Variants in FNIP2 observed in about 807,000 individuals in gnomAD.
The protein encoded by FNIP2 is folliculin interacting protein 2.
FNIP2 carries 32 observed loss-of-function variants against 108.7 expected under a neutral mutation model. The observed-to-expected ratio is 0.29, with a 90% CI of 0.22 to 0.40. FNIP2 has a LOEUF of 0.40. Ranked by LOEUF, FNIP2 falls within the 10% of genes least tolerant of loss-of-function variation. The pLI, the probability that FNIP2 is intolerant of heterozygous loss-of-function variation, is 1.00. For missense variants in FNIP2, 1,202 were observed against 1,381.6 expected (o/e 0.87, Z 2.06); for synonymous variants, 480 against 496.7 (o/e 0.97, Z 0.45).
At chr4:158,845,047 A>G (rs1289924581) in intron 7 of FNIP2, among the ~76,000 whole-genome samples, 1 of 152,220 alleles carries the variant, frequency 6.6e-6, no homozygotes, top group African/African-American at 2.4e-5. Flanking sequence ...TAATCTGGTG[A>G]TGGGACTAGT....
At chr4:158,776,773 C>T (rs563041182) in intron 1 of FNIP2, among the ~76,000 whole-genome samples, 54 of 152,212 alleles carry the variant, frequency 3.5e-4, no homozygotes, top group Admixed American at 3.1e-3. Flanking sequence ...AGGAAGTTGG[C>T]GTTTAATAAA....
chr4:158,839,357 A>ATTATTTAT (rs149914889), intron 7 of FNIP2, among the ~76,000 whole-genome samples: 40,926 of 151,250 alleles, frequency 0.27, 6,594 homozygotes, highest in Non-Finnish European at 0.38. Context: ...CTTCATTTCT[A>ATTATTTAT]TTATTTATTT....
At chr4:158,843,339 A>C (rs1268241390) in intron 7 of FNIP2, among the ~76,000 whole-genome samples, 1 of 152,160 alleles carries the variant, frequency 6.6e-6, no homozygotes, top group African/African-American at 2.4e-5. Context: ...CTAATGCTTC[A>C]TTTCTGTCAC....
intron 16 of FNIP2, among the ~76,000 whole-genome samples, chr4:158,898,132 A>G (rs1229984541): frequency 6.6e-6 from 1 of 152,158 alleles, no homozygotes; most frequent in Non-Finnish European, 1.5e-5. Context: ...AGGTTTGTCA[A>G]AGATCAGATG....
At chr4:158,788,369 A>G (rs537948210) in intron 1 of FNIP2, among the ~76,000 whole-genome samples, 59 of 152,386 alleles carry the variant, frequency 3.9e-4, no homozygotes, top group African/African-American at 1.2e-3. Flanking sequence ...ACTTTGCAAT[A>G]TAAGCACTTG....
intron 8 of FNIP2, among the ~76,000 whole-genome samples, chr4:158,853,161 CTTGTG>C (rs1779793427): frequency 6.6e-6 from 1 of 152,050 alleles, no homozygotes; most frequent in East Asian, 1.9e-4. Flanking sequence ...TATGTGATAT[CTTGTG>C]TTGTAAGCCT....
At chr4:158,806,962 G>C (rs973813107) in intron 1 of FNIP2, among the ~76,000 whole-genome samples, 1 of 152,082 alleles carries the variant, frequency 6.6e-6, no homozygotes, top group South Asian at 2.1e-4. Context: ...TGTCTAAAAA[G>C]AATAGCATAC....
At chr4:158,817,854 C>T (rs1291084047) in intron 1 of FNIP2, among the ~76,000 whole-genome samples, 2 of 152,198 alleles carry the variant, frequency 1.3e-5, no homozygotes, top group African/African-American at 4.8e-5. Flanking sequence ...CCCACCCCTT[C>T]CTTTTATAGA....
chr4:158,902,903 G>A (rs1374184186), intron 16 of FNIP2, among the ~76,000 whole-genome samples: 2 of 152,202 alleles, frequency 1.3e-5, no homozygotes, highest in African/African-American at 2.4e-5. Context: ...TCAAGCCAGT[G>A]GATCTTAGCT....
intron 14 of FNIP2, among the ~76,000 whole-genome samples, chr4:158,880,384 T>G (rs1214019915): frequency 1.3e-5 from 2 of 151,978 alleles, no homozygotes; most frequent in Non-Finnish European, 2.9e-5. Context: ...AGGTGGGAAT[T>G]GAACAATGAG....
chr4:158,838,527 T>G (rs527687565), intron 7 of FNIP2, among the ~76,000 whole-genome samples: 1 of 152,302 alleles, frequency 6.6e-6, no homozygotes, highest in Non-Finnish European at 1.5e-5. Flanking sequence ...AGCCTAGGCC[T>G]GCAATTTTTA....
chr4:158,902,744 G>A (rs1480686489), intron 16 of FNIP2, among the ~76,000 whole-genome samples: 1 of 152,198 alleles, frequency 6.6e-6, no homozygotes, highest in Admixed American at 6.5e-5. Context: ...GCTGCAGTGG[G>A]CTCCGCCCAG....
At chr4:158,902,150 G>C (rs1486879147) in intron 16 of FNIP2, among the ~76,000 whole-genome samples, 2 of 152,016 alleles carry the variant, frequency 1.3e-5, no homozygotes, top group African/African-American at 4.8e-5. Context: ...TTTTACGTTG[G>C]TGACCTTCGG....
intron 1 of FNIP2, among the ~76,000 whole-genome samples, chr4:158,774,165 T>G (rs1031307632): frequency 6.6e-6 from 1 of 152,196 alleles, no homozygotes; most frequent in Non-Finnish European, 1.5e-5. Flanking sequence ...AGTTATAAAT[T>G]TATGTGAAAA....
At chr4:158,874,311 C>T (rs1163347320) in intron 14 of FNIP2, among the ~76,000 whole-genome samples, 2 of 152,026 alleles carry the variant, frequency 1.3e-5, no homozygotes, top group Non-Finnish European at 2.9e-5. Flanking sequence ...GTACTTACAT[C>T]ATAGGTTTGG....
chr4:158,898,580 A>G (rs1782904388), intron 16 of FNIP2, among the ~76,000 whole-genome samples: 1 of 152,042 alleles, frequency 6.6e-6, no homozygotes, highest in African/African-American at 2.4e-5. Flanking sequence ...ATTACTAGGT[A>G]TTTTATTCTC....
At chr4:158,782,176 T>G (rs1776072535) in intron 1 of FNIP2, among the ~76,000 whole-genome samples, 1 of 152,218 alleles carries the variant, frequency 6.6e-6, no homozygotes, top group Admixed American at 6.5e-5. Context: ...GAAGGCAATG[T>G]GGAGCCACTG....
intron 12 of FNIP2, among the ~76,000 whole-genome samples, chr4:158,866,619 A>G (rs1312409711): frequency 6.6e-6 from 1 of 151,966 alleles, no homozygotes; most frequent in Non-Finnish European, 1.5e-5. Flanking sequence ...CTTGTAGCCC[A>G]GGCTGGAGTG....
chr4:158,852,062 G>A (rs145812778), intron 8 of FNIP2, among the ~76,000 whole-genome samples: 1 of 152,244 alleles, frequency 6.6e-6, no homozygotes, highest in East Asian at 1.9e-4. Context: ...AAATTCACAT[G>A]TCAATTAACT....
Sources: gnomAD v4.1 joint callset for allele counts (sites outside exome capture counted in the v4.1 genomes callset) on GRCh38, gnomAD v4.1.1 for gene constraint, MANE v1.5 for transcripts, NCBI Gene and HGNC (gene_info 2026-07-23, HGNC 2026-07-21) for gene names.